EML6: variants seen among roughly 807,000 people sequenced by gnomAD.
The protein encoded by EML6 is echinoderm microtubule-associated protein-like 6.
EML6 carries 154 observed loss-of-function variants against 240.1 expected under a neutral mutation model. That is an observed-to-expected ratio of 0.64 (90% CI 0.56 to 0.73). The LOEUF is 0.73. EML6 is among the 30% of genes least tolerant of loss of function. The pLI is 0.00. For synonymous variants in EML6, 1,148 were observed against 899.0 expected (o/e 1.28, Z -4.95); for missense variants, 2,964 against 2,474.6 (o/e 1.20, Z -4.20).
chr2:54,959,262 G>T lies in EML6; in HGVS notation c.4853+1G>T. ...TAGTGACCGGCGGAAAAGAGAGGCCGTAAGCCAAAGCTCCTATGGAAACAA... is the reference window on the plus strand; with the variant it reads ...TAGTGACCGGCGGAAAAGAGAGGCCTTAAGCCAAAGCTCCTATGGAAACAA... On this transcript the variant is annotated splice_donor_variant, in intron 34 of 41. Transcript: ENST00000356458. LOFTEE classifies it high-confidence loss of function. 6.6e-7 allele frequency: 1 copy of T among 1,526,622 alleles called. No homozygotes were observed. The highest frequency in any genetic ancestry group is 8.8e-7 in the Non-Finnish European group (1 of 1,134,460). 94.6% of individuals were successfully genotyped at this position (1,526,622 alleles called of 1,614,324 possible).
intron 2 of EML6, among the ~76,000 whole-genome samples, chr2:54,739,118 A>G (rs1477813264): frequency 6.6e-6 from 1 of 152,224 alleles, no homozygotes; most frequent in Non-Finnish European, 1.5e-5. Flanking sequence ...TAAAATATAT[A>G]CATATATTCT....
chr2:54,856,200 G>A (rs1670367354), intron 11 of EML6, among the ~76,000 whole-genome samples: 1 of 152,152 alleles, frequency 6.6e-6, no homozygotes, highest in South Asian at 2.1e-4. Flanking sequence ...AAAATAATTA[G>A]GATCAATACT....
chr2:54,796,604 G>C (rs571521646), intron 2 of EML6, among the ~76,000 whole-genome samples: 233 of 151,644 alleles, frequency 1.5e-3, no homozygotes, highest in Middle Eastern at 0.014. Context: ...TATTAAATGT[G>C]TGTGCTTGCA....
At chr2:54,856,836 T>C (rs1670408314) in intron 11 of EML6, among the ~76,000 whole-genome samples, 1 of 152,134 alleles carries the variant, frequency 6.6e-6, no homozygotes, top group African/African-American at 2.4e-5. Flanking sequence ...TTTTGATATT[T>C]TGTGGAATGG....
chr2:54,923,364 A>AACACAC (rs1553416829), intron 26 of EML6, among the ~76,000 whole-genome samples: 2 of 52,858 alleles, frequency 3.8e-5, no homozygotes, highest in African/African-American at 1.4e-4. Flanking sequence ...GTCCTCACCA[A>AACACAC]ACGCACACAC....
intron 24 of EML6, among the ~76,000 whole-genome samples, chr2:54,907,472 A>G (rs1022738652): frequency 6.6e-6 from 1 of 152,270 alleles, no homozygotes; most frequent in East Asian, 1.9e-4. Flanking sequence ...GCACCACTGA[A>G]CTCCAGCCTG....
intron 17 of EML6, among the ~76,000 whole-genome samples, chr2:54,884,012 G>C (rs1671984479): frequency 6.6e-6 from 1 of 152,090 alleles, no homozygotes; most frequent in African/African-American, 2.4e-5. Flanking sequence ...GACCAAACTT[G>C]TGGGGATTTC....
At position 54,823,878 on chromosome 2, in the gene EML6, T is replaced by TCTCTCTC. The variant is rs60937620; in HGVS notation, c.525+3416_525+3417insCTCTCTC. Among the ~76,000 whole-genome samples the TCTCTCTC allele has an allele frequency of 5.0e-3, 649 of 129,164 alleles. 51 individuals are homozygous for TCTCTCTC. The highest frequency in any genetic ancestry group is 0.012 in the African/African-American group (353 of 29,288). The allele number at this position is 129,164 out of a possible 152,430, so 84.7% of individuals were successfully genotyped here. A position where few individuals can be genotyped will look rare whatever the true frequency, so the allele number is the denominator to read the frequency against. ...TCTCTCTCTCTCTCTCTCTCTCTCT[T>TCTCTCTC]TCTGTCTCTCTCTCTCTCTCTCAGA... is the stretch of plus-strand genomic sequence containing the variant. On this transcript the variant is annotated intron_variant, in intron 5 of 41. Coordinates refer to ENST00000356458, the MANE Select transcript of EML6 (RefSeq NM_001039753.4).
intron 2 of EML6, among the ~76,000 whole-genome samples, chr2:54,743,596 CCAGGAGAGA>C (rs944608887): frequency 6.6e-6 from 1 of 152,102 alleles, no homozygotes; most frequent in African/African-American, 2.4e-5. Flanking sequence ...AACTCATAAA[CCAGGAGAGA>C]CAGAGCCAAA....
At chr2:54,961,184 G>GTTGTTTTTTTTTGTTTTTTTTTTT in intron 35 of EML6, among the ~76,000 whole-genome samples, 1 of 55,416 alleles carries the variant, frequency 1.8e-5, no homozygotes, top group African/African-American at 8.1e-5. Context: ...TCAGGAAGTA[G>GTTGTTTTTTTTTGTTTTTTTTTTT]TTTTTTTTTT....
chr2:54,827,745 A>G lies in EML6; in HGVS notation c.705A>G (p.Ala235=), dbSNP rs1376336629. 11 of 1,551,014 alleles carry G rather than the reference A, an allele frequency of 7.1e-6. No individual in the cohort carries two copies. In the East Asian group the frequency reaches 2.2e-4, roughly 31 times the overall value. The part of the protein sequence containing the change: ...GLNLVRTIQG[A]HSAGIFSMYA... ...ATTTAGTCCGCACCATTCAAGGAGC[A>G]CATAGTGTAAGTATTACCTTGTGGA... Residue 235 remains alanine, a synonymous_variant, in exon 6 of 42, where the codon GCA becomes GCG. Transcript: ENST00000356458.
intron 2 of EML6, among the ~76,000 whole-genome samples, chr2:54,737,574 A>G (rs1170086112): frequency 2.6e-5 from 4 of 152,148 alleles, no homozygotes; most frequent in African/African-American, 7.2e-5. Context: ...TGTCTTCTTC[A>G]AGGCATCTTT....
chr2:54,860,363 C>T (rs1670611488), intron 12 of EML6, among the ~76,000 whole-genome samples: 2 of 152,102 alleles, frequency 1.3e-5, no homozygotes. Flanking sequence ...GACTTCATCC[C>T]CTGGAGCAGT....
At chr2:54,967,738 G>C (rs1676810483) in intron 39 of EML6, among the ~76,000 whole-genome samples, 1 of 152,124 alleles carries the variant, frequency 6.6e-6, no homozygotes, top group East Asian at 1.9e-4. Flanking sequence ...AACAGCACCA[G>C]GGACCAATTT....
intron 7 of EML6, among the ~76,000 whole-genome samples, chr2:54,830,639 A>G (rs1668822828): frequency 6.6e-6 from 1 of 152,174 alleles, no homozygotes; most frequent in Non-Finnish European, 1.5e-5. Flanking sequence ...GGCCTTAGGT[A>G]GATTTCAAAG....
intron 2 of EML6, among the ~76,000 whole-genome samples, chr2:54,801,079 G>C (rs745708818): frequency 2.6e-5 from 4 of 152,066 alleles, no homozygotes; most frequent in Non-Finnish European, 5.9e-5. Flanking sequence ...CCAGCATTTT[G>C]GGAGGCTGAG....
chr2:54,829,257 A>T (rs183937076), intron 6 of EML6, 85 bp from the exon 7 acceptor site: 17 of 1,328,518 alleles, frequency 1.3e-5, no homozygotes, highest in Non-Finnish European at 1.7e-5. Flanking sequence ...TTGACTTGCT[A>T]TGTTTTTAAA....
At position 54,960,071 on chromosome 2, in the gene EML6, G is replaced by GCCTGGAGGGTCTGGAC; in HGVS notation, c.4854-136_4854-121dup. ...AGCACCAGGGCCTAAGAGAGAGGCT[G>GCCTGGAGGGTCTGGAC]CCTGGAGGGTCTGGACCCTGGAGGG... On this transcript the variant is annotated intron_variant, in intron 34 of 41. Transcript: ENST00000356458. 4.8e-5 allele frequency: 29 copies of GCCTGGAGGGTCTGGAC among 610,346 alleles called. No homozygotes were observed. In the South Asian group the frequency reaches 5.7e-4, roughly 12 times the overall value. 37.8% of individuals were successfully genotyped at this position (610,346 alleles called of 1,614,324 possible).
chr2:54,869,001 G>C, intron 14 of EML6, 180 bp from the exon 15 acceptor site: 4 of 510,734 alleles, frequency 7.8e-6, no homozygotes, highest in East Asian at 2.9e-5. Flanking sequence ...GCCTTTTTGA[G>C]AGTCATCTCA....
Sources: gnomAD v4.1 joint callset for allele counts (sites outside exome capture counted in the v4.1 genomes callset) on GRCh38, gnomAD v4.1.1 for gene constraint, MANE v1.5 for transcripts, NCBI Gene and HGNC (gene_info 2026-07-23, HGNC 2026-07-21) for gene names.